CLIP1: variants seen among roughly 807,000 people sequenced by gnomAD.
CLIP1 encodes the protein CAP-Gly domain-containing linker protein 1.
A neutral mutation model predicts 161.6 loss-of-function variants in CLIP1; 66 were observed. The observed-to-expected ratio is 0.41, with a 90% CI of 0.33 to 0.50. The LOEUF is 0.50. Among genes scored for constraint, CLIP1 ranks in the 20% least tolerant of loss-of-function variants. CLIP1 has a pLI of 0.27. For missense variants in CLIP1, 1,376 were observed against 1,702.0 expected (o/e 0.81, Z 3.37); for synonymous variants, 598 against 626.2 (o/e 0.96, Z 0.67).
intron 1 of CLIP1, among the ~76,000 whole-genome samples, chr12:122,387,662 C>T (rs1305689123): frequency 1.4e-5 from 2 of 140,422 alleles, no homozygotes; most frequent in South Asian, 2.3e-4. Context: ...TGCAGTGGCA[C>T]GATCACAGCT....
chr12:122,317,923 T>G (rs1951333463), intron 18 of CLIP1, among the ~76,000 whole-genome samples: 1 of 152,238 alleles, frequency 6.6e-6, no homozygotes, highest in Non-Finnish European at 1.5e-5. Flanking sequence ...CTGGTTCCAC[T>G]GCTGCAGGTT....
intron 20 of CLIP1, among the ~76,000 whole-genome samples, chr12:122,289,369 A>G (rs1163577929): frequency 6.6e-6 from 1 of 151,978 alleles, no homozygotes; most frequent in Non-Finnish European, 1.5e-5. Flanking sequence ...CAGTGAGCCA[A>G]GATTGAACCA....
intron 20 of CLIP1, among the ~76,000 whole-genome samples, chr12:122,295,149 A>G (rs1420611384): frequency 6.6e-6 from 1 of 152,130 alleles, no homozygotes; most frequent in Non-Finnish European, 1.5e-5. Flanking sequence ...TGGGCGGCAA[A>G]TCATTTGAGG....
At chr12:122,334,542 G>T in intron 13 of CLIP1, 106 bp downstream of exon 13, 1 of 757,524 alleles carries the variant, frequency 1.3e-6, no homozygotes. Context: ...CCAGGAGAGT[G>T]AAATTAGGCT....
intron 21 of CLIP1, among the ~76,000 whole-genome samples, chr12:122,286,520 TA>T (rs57260606): frequency 0.075 from 2,111 of 28,098 alleles, 23 homozygotes; most frequent in African/African-American, 0.082. Context: ...GACTCTGTCT[TA>T]AAAAAAAAAA....
At chr12:122,363,537 G>A (rs1384301031) in intron 4 of CLIP1, among the ~76,000 whole-genome samples, 2 of 151,606 alleles carry the variant, frequency 1.3e-5, no homozygotes, top group Non-Finnish European at 2.9e-5. Flanking sequence ...TACGATGGAA[G>A]AGGTCCGCTT....
At chr12:122,361,308 GT>G in intron 4 of CLIP1, 127 bp from the exon 5 acceptor site, 1 of 759,630 alleles carries the variant, frequency 1.3e-6, no homozygotes, top group Non-Finnish European at 2.1e-6. Flanking sequence ...CTAAGCTGGG[GT>G]TACACACCAG....
At chr12:122,401,200 C>A (rs1956129828) in intron 1 of CLIP1, among the ~76,000 whole-genome samples, 2 of 152,136 alleles carry the variant, frequency 1.3e-5, no homozygotes, top group Non-Finnish European at 2.9e-5. Flanking sequence ...CATGAGCCAC[C>A]ACGACTGGCC....
intron 3 of CLIP1, among the ~76,000 whole-genome samples, chr12:122,366,210 G>A (rs1409607577): frequency 5.9e-5 from 9 of 151,838 alleles, no homozygotes; most frequent in African/African-American, 2.2e-4. Context: ...GGGAGGCTGA[G>A]GCACAAGAAT....
chr12:122,326,125 A>C (rs1056615354), intron 17 of CLIP1, among the ~76,000 whole-genome samples: 1 of 152,246 alleles, frequency 6.6e-6, no homozygotes, highest in Admixed American at 6.5e-5. Context: ...TCATTAGATT[A>C]TTCCAAAGAG....
intron 12 of CLIP1, among the ~76,000 whole-genome samples, chr12:122,335,171 A>G (rs1053070424): frequency 1.3e-5 from 2 of 152,240 alleles, no homozygotes; most frequent in African/African-American, 4.8e-5. Flanking sequence ...GAAAAGGCCC[A>G]TAAGTCACTT....
chr12:122,303,670 C>T (rs1252658800), intron 20 of CLIP1, among the ~76,000 whole-genome samples: 3 of 152,132 alleles, frequency 2.0e-5, no homozygotes, highest in African/African-American at 7.2e-5. Context: ...GCACGCATCC[C>T]CAGTCAGCTC....
chr12:122,349,186 A>G (rs1952899217), intron 9 of CLIP1, among the ~76,000 whole-genome samples: 1 of 152,228 alleles, frequency 6.6e-6, no homozygotes, highest in Non-Finnish European at 1.5e-5. Flanking sequence ...CAGCCTCAGG[A>G]GCTGAAATCC....
Position 122,299,527 on chromosome 12 carries a change from T to G in CLIP1, c.3594+10235A>C, listed in dbSNP as rs60117727. ...GTTTGGCTTTAGTGATTCCCTAAGT[T>G]GCAGATATAATTTTTTTAAATAATT... On this transcript the variant is annotated intron_variant, in intron 20 of 25. Transcript: ENST00000620786. Among the ~76,000 whole-genome samples, 1,203 of 146,628 alleles carry G rather than the reference T, an allele frequency of 8.2e-3. 17 individuals carry two copies. The highest frequency in any genetic ancestry group is 0.031 in the African/African-American group (1,142 of 36,790).
At chr12:122,277,785 T>TAAA in intron 24 of CLIP1, 1 of 169,236 alleles carries the variant, frequency 5.9e-6, no homozygotes, top group South Asian at 1.5e-4. Flanking sequence ...TACATAGCTA[T>TAAA]AAAAAAAATA....
chr12:122,334,748 A>G, intron 12 of CLIP1, 43 bp from the exon 13 acceptor site: 1 of 1,235,576 alleles, frequency 8.1e-7, no homozygotes, highest in African/African-American at 1.5e-5. Flanking sequence ...AAGATTTCAA[A>G]TTGTAAAGAC....
Position 122,382,704 on chromosome 12 carries a change from CAATAAATAAATA to C in CLIP1, c.-106-2158_-106-2147del, listed in dbSNP as rs35084508. ...TAGGTGGTAGAGTGAGACTATGTCT[CAATAAATAAATA>C]AATAAATAAATAAATAAGTGTGGTT... On this transcript the variant is annotated intron_variant, in intron 1 of 25. Transcript: ENST00000620786. 8.6e-5 allele frequency among the ~76,000 whole-genome samples: 13 copies of C among 150,942 alleles called. No individual in the cohort carries two copies. In the East Asian group the frequency reaches 1.6e-3, roughly 18 times the overall value.
chr12:122,398,151 C>T (rs565745136), intron 1 of CLIP1, among the ~76,000 whole-genome samples: 3 of 151,044 alleles, frequency 2.0e-5, no homozygotes, highest in African/African-American at 2.4e-5. Flanking sequence ...CTTGGTGGCT[C>T]ATGCCTGTAA....
chr12:122,300,533 G>A (rs1270291748), intron 20 of CLIP1, among the ~76,000 whole-genome samples: 1 of 152,144 alleles, frequency 6.6e-6, no homozygotes, highest in Non-Finnish European at 1.5e-5. Flanking sequence ...TTCTTAAAAT[G>A]TAAGAGGTTT....
Sources: gnomAD v4.1 joint callset for allele counts (sites outside exome capture counted in the v4.1 genomes callset) on GRCh38, gnomAD v4.1.1 for gene constraint, MANE v1.5 for transcripts, NCBI Gene and HGNC (gene_info 2026-07-23, HGNC 2026-07-21) for gene names.